The following ATP6V0D2 variants were observed in gnomAD, a reference collection of about 807,000 sequenced individuals.
ATP6V0D2 encodes V-type proton ATPase subunit d 2.
Under a neutral mutation model 40.0 loss-of-function variants are expected in ATP6V0D2, and 40 were observed. That is an observed-to-expected ratio of 1.00 (90% confidence interval 0.78 to 1.30). ATP6V0D2 has a LOEUF of 1.30. Among genes scored for constraint, ATP6V0D2 ranks in the 50% most tolerant of loss-of-function variants. ATP6V0D2 has a pLI of 0.00. For synonymous variants in ATP6V0D2, 179 were observed against 156.3 expected, an observed-to-expected ratio of 1.15 and a Z score of -1.08; for missense variants, 470 against 423.1, an observed-to-expected ratio of 1.11 and a Z score of -0.97.
intron 2 of ATP6V0D2, among the ~76,000 whole-genome samples, chr8:86,116,929 AT>A (rs1184156783): frequency 1.3e-5 from 2 of 152,202 alleles, no homozygotes; most frequent in African/African-American, 2.4e-5. Flanking sequence ...GGTTAAAAAA[AT>A]AGTATCTCTT....
intron 7 of ATP6V0D2, 142 bp downstream of exon 7, chr8:86,151,682 A>G (rs1288534801): frequency 5.0e-6 from 3 of 600,120 alleles, no homozygotes; most frequent in African/African-American, 2.0e-5. Context: ...GTGATGTATT[A>G]TTGCTACAAA....
chr8:86,114,150 A>T (rs1818564907), intron 2 of ATP6V0D2, among the ~76,000 whole-genome samples: 1 of 149,012 alleles, frequency 6.7e-6, no homozygotes, highest in Admixed American at 6.7e-5. Flanking sequence ...AAAAAAAAAA[A>T]GTGTTGCCAG....
chr8:86,141,418 T>C (rs754834323), intron 3 of ATP6V0D2, 32 bp from the exon 4 acceptor site: 2 of 1,556,520 alleles, frequency 1.3e-6, no homozygotes, highest in Admixed American at 3.4e-5. Context: ...TGCTTAAGAT[T>C]CATTTTTTGG....
intron 5 of ATP6V0D2, among the ~76,000 whole-genome samples, chr8:86,144,030 T>C (rs1819014402): frequency 6.6e-6 from 1 of 152,176 alleles, no homozygotes; most frequent in Admixed American, 6.5e-5. Flanking sequence ...GGAAGACTCA[T>C]TTGTTATGTG....
chr8:86,118,513 C>A (rs148062829), intron 2 of ATP6V0D2, among the ~76,000 whole-genome samples: 1 of 152,056 alleles, frequency 6.6e-6, no homozygotes, highest in Non-Finnish European at 1.5e-5. Flanking sequence ...ACTCACAGAA[C>A]GTATTCCTCC....
At chr8:86,138,017 T>G (rs534201387) in intron 2 of ATP6V0D2, among the ~76,000 whole-genome samples, 2 of 152,348 alleles carry the variant, frequency 1.3e-5, no homozygotes, top group East Asian at 3.9e-4. Flanking sequence ...TTCCCTTCAG[T>G]GTAAGGGCAG....
At chr8:86,142,452 C>T (rs1045452639) in intron 4 of ATP6V0D2, among the ~76,000 whole-genome samples, 2 of 152,166 alleles carry the variant, frequency 1.3e-5, no homozygotes, top group East Asian at 1.9e-4. Context: ...GCAGTCTGAC[C>T]CTACAGCCTT....
chr8:86,121,791 T>C (rs912444950), intron 2 of ATP6V0D2, among the ~76,000 whole-genome samples: 5 of 152,220 alleles, frequency 3.3e-5, no homozygotes, highest in African/African-American at 1.2e-4. Context: ...TCAAATGAAG[T>C]AACTTCCTGT....
intron 7 of ATP6V0D2, among the ~76,000 whole-genome samples, chr8:86,152,318 T>C (rs1819169147): frequency 6.6e-6 from 1 of 152,220 alleles, no homozygotes; most frequent in Admixed American, 6.5e-5. Flanking sequence ...TTATCCAGGC[T>C]ATCACTGATG....
rs1819177425 is a variant in ATP6V0D2, at chr8:86,152,923, ATG to A, written c.1001_1002del (p.Cys334TyrfsTer8). Reference sequence around the variant, plus strand: ...TTAGAAATATTGTGTGGATAGCAGAATGTATTTCACAGAGGCATCGAACTAAA... The same window carrying A: ...TTAGAAATATTGTGTGGATAGCAGAATATTTCACAGAGGCATCGAACTAAA... ...EIRNIVWIAE[C>X]ISQRHRTKIN... On this transcript the variant is annotated frameshift_variant, in exon 8 of 8. Transcript: ENST00000285393. LOFTEE classifies it high-confidence loss of function. The A allele has an allele frequency of 4.3e-6, 7 of 1,612,406 alleles. No homozygotes were observed. In the East Asian group the frequency reaches 1.6e-4, roughly 36 times the overall value.
chr8:86,139,797 G>A (rs1818949780), intron 3 of ATP6V0D2, among the ~76,000 whole-genome samples, 162 bp downstream of exon 3: 1 of 152,136 alleles, frequency 6.6e-6, no homozygotes, highest in Non-Finnish European at 1.5e-5. Flanking sequence ...CCTGGAAGTG[G>A]CAGAGACATT....
chr8:86,132,283 C>T (rs943243560), intron 2 of ATP6V0D2, among the ~76,000 whole-genome samples: 1 of 151,880 alleles, frequency 6.6e-6, no homozygotes, highest in Non-Finnish European at 1.5e-5. Context: ...GTGTAATGAT[C>T]AGGTCAGGGT....
intron 2 of ATP6V0D2, among the ~76,000 whole-genome samples, chr8:86,136,149 T>C (rs1347194582): frequency 6.6e-6 from 1 of 152,156 alleles, no homozygotes; most frequent in Non-Finnish European, 1.5e-5. Flanking sequence ...ACAAGGCCAC[T>C]CAGTAAGAGT....
intron 5 of ATP6V0D2, among the ~76,000 whole-genome samples, chr8:86,145,859 T>G (rs189928461): frequency 4.6e-5 from 7 of 152,358 alleles, no homozygotes; most frequent in African/African-American, 1.4e-4. Context: ...GCACTATTAA[T>G]AGCTAACACT....
intron 2 of ATP6V0D2, among the ~76,000 whole-genome samples, chr8:86,117,805 A>G (rs367859640): frequency 2.4e-4 from 37 of 152,250 alleles, no homozygotes; most frequent in African/African-American, 7.9e-4. Flanking sequence ...CGGGTCTGAA[A>G]CATGTAGATG....
At chr8:86,133,063 G>C (rs964602339) in intron 2 of ATP6V0D2, among the ~76,000 whole-genome samples, 1 of 151,984 alleles carries the variant, frequency 6.6e-6, no homozygotes, top group African/African-American at 2.4e-5. Context: ...TTGAAGTATT[G>C]GCGTCTTGGA....
At chr8:86,147,646 G>T (rs1219163126) in intron 5 of ATP6V0D2, among the ~76,000 whole-genome samples, 1 of 152,200 alleles carries the variant, frequency 6.6e-6, no homozygotes, top group Non-Finnish European at 1.5e-5. Flanking sequence ...TAGACTAGAA[G>T]AGTAAGGTAG....
In ATP6V0D2 at chr8:86,144,499, C is replaced by T. The variant is rs189627619; in HGVS notation, c.639+1545C>T. 8.5e-3 allele frequency among the ~76,000 whole-genome samples: 1,287 copies of T among 152,158 alleles called. 14 individuals carry two copies. Among genetic ancestry groups the T allele is most frequent in the Non-Finnish European group, 0.012 (816 of 68,004 alleles). On this transcript the variant is annotated intron_variant, in intron 5 of 7. Transcript: ENST00000285393. ...AAAAGAAAAAAATTAACTTCATTTG[C>T]AAGTATTTCAACCTAATGCTCTGAA...
At chr8:86,140,285 C>G (rs536626810) in intron 3 of ATP6V0D2, among the ~76,000 whole-genome samples, 3 of 151,908 alleles carry the variant, frequency 2.0e-5, no homozygotes, top group Non-Finnish European at 4.4e-5. Flanking sequence ...CACTATTGAT[C>G]GTTTGTCAAA....
Sources: gnomAD v4.1 joint callset for allele counts (sites outside exome capture counted in the v4.1 genomes callset) on GRCh38, gnomAD v4.1.1 for gene constraint, MANE v1.5 for transcripts, NCBI Gene and HGNC (gene_info 2026-07-23, HGNC 2026-07-21) for gene names.